Variants in CA5A observed in about 807,000 individuals in gnomAD.
CA5A encodes carbonic anhydrase 5A.
In CA5A, 28 loss-of-function variants were observed where a neutral mutation model predicts 37.1. That is an observed-to-expected ratio of 0.75 (90% confidence interval 0.56 to 1.03). The LOEUF (loss-of-function observed/expected upper bound fraction) is 1.03, where lower values mean the gene tolerates loss of function less well. Among genes scored for constraint, CA5A ranks in the 50% least tolerant of loss-of-function variants. The probability of loss-of-function intolerance (pLI) is 0.00; values close to 1 mark genes in which losing one functional copy is unlikely to be tolerated. For missense variants in CA5A, 444 were observed against 399.9 expected (o/e 1.11, Z -0.94); for synonymous variants, 171 against 158.4 (o/e 1.08, Z -0.60).
intron 1 of CA5A, among the ~76,000 whole-genome samples, chr16:87,929,048 C>A (rs1376232180): frequency 6.6e-6 from 1 of 150,666 alleles, no homozygotes; most frequent in Non-Finnish European, 1.5e-5. Context: ...GGATTACAGG[C>A]GTGAGCCACC....
At chr16:87,892,952 G>A (rs7193897) in intron 5 of CA5A, 221,704 of 889,264 alleles carry the variant, frequency 0.25, 28,845 homozygotes, top group South Asian at 0.34. Context: ...CGGCCTATGG[G>A]CTCCTTTTTA....
At chr16:87,908,550 A>C (rs1256542111) in intron 2 of CA5A, among the ~76,000 whole-genome samples, 1 of 152,230 alleles carries the variant, frequency 6.6e-6, no homozygotes, top group African/African-American at 2.4e-5. Flanking sequence ...GTCCACTGAC[A>C]GCCGATGCCT....
At chr16:87,907,583 C>G (rs1481827552) in intron 2 of CA5A, among the ~76,000 whole-genome samples, 1 of 152,170 alleles carries the variant, frequency 6.6e-6, no homozygotes, top group East Asian at 1.9e-4. Context: ...TGGTAGATGC[C>G]ATTTGTAAGA....
At chr16:87,892,113 G>C in intron 5 of CA5A, 159 bp from the exon 6 acceptor site, 2 of 595,166 alleles carry the variant, frequency 3.4e-6, no homozygotes, top group Non-Finnish European at 5.5e-6. Context: ...GCAGTGATGA[G>C]AAAATGTGAC....
rs758659748 is a variant in CA5A, at chr16:87,888,113, T to C, written c.*16A>G. Reference sequence around the variant, plus strand: ...CCTTCAAAGTCAGTTCTGCTATTCATGTGGACCTAATGTCTCTAGGACCTT... The same window carrying C: ...CCTTCAAAGTCAGTTCTGCTATTCACGTGGACCTAATGTCTCTAGGACCTT... On this transcript the variant is annotated 3_prime_UTR_variant, in exon 7 of 7. Coordinates refer to ENST00000649794, the MANE Select transcript of CA5A (RefSeq NM_001739.2). 5 of 1,582,294 alleles carry C rather than the reference T, an allele frequency of 3.2e-6. No individual in the cohort carries two copies. Among genetic ancestry groups the C allele is most frequent in the Non-Finnish European group, 4.3e-6 (5 of 1,160,644 alleles).
At chr16:87,905,545 G>A (rs547141374) in intron 2 of CA5A, among the ~76,000 whole-genome samples, 2 of 152,142 alleles carry the variant, frequency 1.3e-5, no homozygotes, top group African/African-American at 2.4e-5. Flanking sequence ...TTTAAGTAGA[G>A]ACGGGGTTTC....
chr16:87,903,750 A>G (rs964232565), intron 3 of CA5A, among the ~76,000 whole-genome samples: 1 of 152,216 alleles, frequency 6.6e-6, no homozygotes, highest in Non-Finnish European at 1.5e-5. Flanking sequence ...AAAAACAGAA[A>G]GAGTCCTCAG....
At chr16:87,901,775 C>G (rs557809782) in intron 5 of CA5A, 137 bp downstream of exon 5, 2 of 584,092 alleles carry the variant, frequency 3.4e-6, no homozygotes, top group South Asian at 3.2e-5. Flanking sequence ...TTAGTGGAGA[C>G]GGGGTTTCTC....
chr16:87,926,820 C>T lies in CA5A; in HGVS notation c.268G>A (p.Ala90Thr). The change falls in exon 2 of 7, where the codon GCA (alanine) becomes ACA (threonine). Residue 90 changes from alanine (A) to threonine (T), a missense_variant. Physicochemically the swap from Ala to Thr is moderately conservative, Grantham distance 58. Coordinates refer to ENST00000649794, the MANE Select transcript of CA5A (RefSeq NM_001739.2). ...LKPLRVSYEA[A>T]SCLYIWNTGY... The stretch of plus-strand genomic sequence containing the variant: ...GTGTTCCAGATGTACAGGCAGGATG[C>T]CGCTTCATAGGAGACCCTGAGTGGC... The T allele has an allele frequency of 6.2e-7, 1 of 1,614,138 alleles. No homozygotes were observed. Among genetic ancestry groups the T allele is most frequent in the Non-Finnish European group, 8.5e-7 (1 of 1,179,992 alleles).
At chr16:87,888,499 A>G (rs2055669765) in intron 6 of CA5A, among the ~76,000 whole-genome samples, 1 of 152,114 alleles carries the variant, frequency 6.6e-6, no homozygotes, top group Admixed American at 6.5e-5. Flanking sequence ...GCTGGTCGCC[A>G]TATTGGGAGG....
chr16:87,895,357 C>G (rs200344394), intron 5 of CA5A, among the ~76,000 whole-genome samples: 1 of 152,196 alleles, frequency 6.6e-6, no homozygotes, highest in Non-Finnish European at 1.5e-5. Context: ...ACCAGCCTGA[C>G]CAACATGGCG....
intron 1 of CA5A, among the ~76,000 whole-genome samples, chr16:87,935,006 C>T (rs7206575): frequency 0.051 from 7,829 of 152,292 alleles, 215 homozygotes; most frequent in East Asian, 0.065. Flanking sequence ...GCTTTCTACA[C>T]GCATCGTGTC....
At chr16:87,905,282 AT>A (rs1282356998) in intron 2 of CA5A, among the ~76,000 whole-genome samples, 1 of 152,220 alleles carries the variant, frequency 6.6e-6, no homozygotes, top group Admixed American at 6.5e-5. Flanking sequence ...TCTTCCAAAT[AT>A]TTTTTAAAAG....
intron 1 of CA5A, among the ~76,000 whole-genome samples, chr16:87,932,801 G>T (rs1014499090): frequency 6.6e-6 from 1 of 152,170 alleles, no homozygotes; most frequent in African/African-American, 2.4e-5. Context: ...CAGGTTTGAT[G>T]GTGGTTCAGC....
chr16:87,889,603 G>A (rs2055685192), intron 6 of CA5A, among the ~76,000 whole-genome samples: 1 of 151,750 alleles, frequency 6.6e-6, no homozygotes, highest in Non-Finnish European at 1.5e-5. Context: ...GAGAAACCCT[G>A]TTTCTACTAA....
At chr16:87,919,315 C>T (rs962315546) in intron 2 of CA5A, among the ~76,000 whole-genome samples, 5 of 152,202 alleles carry the variant, frequency 3.3e-5, no homozygotes, top group African/African-American at 1.2e-4. Context: ...GGCTGTCCTG[C>T]GGGAGTGCTG....
chr16:87,923,535 G>A, intron 2 of CA5A: 2 of 985,016 alleles, frequency 2.0e-6, no homozygotes, highest in Non-Finnish European at 2.4e-6. Context: ...CCTCCTTCTA[G>A]GAGTAGTATC....
intron 5 of CA5A, among the ~76,000 whole-genome samples, chr16:87,898,639 C>T (rs1232990739): frequency 3.3e-5 from 5 of 152,052 alleles, no homozygotes; most frequent in African/African-American, 1.2e-4. Context: ...GTGTTGGCCA[C>T]AGCTGGGCCT....
chr16:87,901,222 T>G (rs2055873102), intron 5 of CA5A, among the ~76,000 whole-genome samples: 1 of 152,020 alleles, frequency 6.6e-6, no homozygotes, highest in African/African-American at 2.4e-5. Context: ...AGAGGGAGAC[T>G]CCTCGAAAAA....
Sources: allele counts gnomAD v4.1 joint callset (sites outside exome capture counted in the v4.1 genomes callset), GRCh38; gene constraint gnomAD v4.1.1; transcripts MANE v1.5; gene names NCBI Gene and HGNC (gene_info 2026-07-23, HGNC 2026-07-21).